KCNJ6: variants seen among roughly 807,000 people sequenced by gnomAD.
The protein encoded by KCNJ6 is potassium inwardly rectifying channel subfamily J member 6.
Under a neutral mutation model 34.2 loss-of-function variants are expected in KCNJ6, and 9 were observed. That is an observed-to-expected ratio of 0.26 (90% CI 0.16 to 0.46). KCNJ6 has a LOEUF of 0.46. KCNJ6 is among the 20% of genes least tolerant of loss of function. The probability of loss-of-function intolerance (pLI) is 1.00; values close to 1 mark genes in which losing one functional copy is unlikely to be tolerated. For missense variants in KCNJ6, 236 were observed against 531.3 expected, an observed-to-expected ratio of 0.44 and a Z score of 5.46; for synonymous variants, 196 against 207.1, an observed-to-expected ratio of 0.95 and a Z score of 0.46.
intron 2 of KCNJ6, among the ~76,000 whole-genome samples, chr21:37,739,388 G>C (rs1483441675): frequency 1.3e-5 from 2 of 152,182 alleles, no homozygotes; most frequent in East Asian, 3.9e-4. Context: ...GCAAAAGGCA[G>C]TCCCTTGGTT....
chr21:37,715,716 A>C (rs1336392521), intron 2 of KCNJ6, among the ~76,000 whole-genome samples: 1 of 152,178 alleles, frequency 6.6e-6, no homozygotes, highest in East Asian at 1.9e-4. Flanking sequence ...TGGTATCCTT[A>C]TGCGAAGAGG....
At chr21:37,734,488 A>G (rs530642730) in intron 2 of KCNJ6, among the ~76,000 whole-genome samples, 9 of 152,270 alleles carry the variant, frequency 5.9e-5, no homozygotes, top group African/African-American at 2.2e-4. Context: ...CTGTCTTAAC[A>G]AAAAGCCTCA....
Position 37,614,454 on chromosome 21 carries a change from G to C in KCNJ6, c.*10705C>G, listed in dbSNP as rs563058541. On this transcript the variant is annotated 3_prime_UTR_variant, in exon 4 of 4. Transcript: ENST00000609713. ...CGTGTATCTCTGTGTGTATGCATGT[G>C]TCTGTGTCTGCGTGTGTGTGTATGC... 1,973 of 134,980 alleles carry C rather than the reference G, an allele frequency of 0.015. 42 individuals carry two copies. The highest frequency in any genetic ancestry group is 0.048 in the African/African-American group (1,753 of 36,238). The allele number at this position is 134,980 out of a possible 1,614,324, so 8.4% of individuals were successfully genotyped here.
At chr21:37,694,360 A>C (rs906785696) in intron 3 of KCNJ6, among the ~76,000 whole-genome samples, 1 of 152,236 alleles carries the variant, frequency 6.6e-6, no homozygotes, top group African/African-American at 2.4e-5. Flanking sequence ...ACACGTTCAA[A>C]TAGAGAAGGG....
chr21:37,763,354 C>T (rs981390366), intron 2 of KCNJ6, among the ~76,000 whole-genome samples: 1 of 152,190 alleles, frequency 6.6e-6, no homozygotes, highest in African/African-American at 2.4e-5. Context: ...ATTCCCTGAA[C>T]AGCTGGGACA....
At chr21:37,661,879 C>T (rs985066804) in intron 3 of KCNJ6, among the ~76,000 whole-genome samples, 17 of 151,822 alleles carry the variant, frequency 1.1e-4, no homozygotes, top group African/African-American at 3.1e-4. Context: ...CTGCCTGCCT[C>T]GGCCTCCCAA....
chr21:37,834,500 GTT>G (rs1429092960), intron 2 of KCNJ6, among the ~76,000 whole-genome samples: 1 of 152,258 alleles, frequency 6.6e-6, no homozygotes, highest in Non-Finnish European at 1.5e-5. Context: ...TGTCATAGCT[GTT>G]ACTCTCTTGC....
intron 2 of KCNJ6, among the ~76,000 whole-genome samples, chr21:37,838,875 A>G (rs2055465190): frequency 3.3e-5 from 5 of 152,176 alleles, no homozygotes; most frequent in Non-Finnish European, 7.3e-5. Context: ...TTTCCCCTTC[A>G]GTGCTGCTCT....
chr21:37,910,298 C>T (rs901155868), intron 1 of KCNJ6, among the ~76,000 whole-genome samples: 7 of 152,122 alleles, frequency 4.6e-5, no homozygotes, highest in African/African-American at 1.7e-4. Context: ...TGCTCTTAAT[C>T]ACGGAGCAAC....
chr21:37,910,857 C>G (rs1274227624), intron 1 of KCNJ6, among the ~76,000 whole-genome samples: 1 of 152,218 alleles, frequency 6.6e-6, no homozygotes, highest in Admixed American at 6.5e-5. Flanking sequence ...GGCCTTACTG[C>G]ATTCCATATA....
chr21:37,677,802 A>ATCCC (rs2054573306), intron 3 of KCNJ6, among the ~76,000 whole-genome samples: 1 of 140,136 alleles, frequency 7.1e-6, no homozygotes, highest in African/African-American at 2.9e-5. Flanking sequence ...CCACCTATCC[A>ATCCC]CCCACCCATC....
chr21:37,802,085 C>T (rs1259101403), intron 2 of KCNJ6, among the ~76,000 whole-genome samples: 1 of 152,186 alleles, frequency 6.6e-6, no homozygotes, highest in African/African-American at 2.4e-5. Flanking sequence ...TTGACATCAC[C>T]AACTTTCAGA....
intron 2 of KCNJ6, among the ~76,000 whole-genome samples, chr21:37,742,329 C>G (rs1845825354): frequency 6.6e-6 from 1 of 152,162 alleles, no homozygotes; most frequent in Non-Finnish European, 1.5e-5. Context: ...AGTTGGTTTC[C>G]TGGGCAGGTG....
chr21:37,642,518 G>A (rs1358880758), intron 3 of KCNJ6, among the ~76,000 whole-genome samples: 1 of 152,142 alleles, frequency 6.6e-6, no homozygotes, highest in East Asian at 1.9e-4. Context: ...GGGTAAAGAG[G>A]GAGCCAGTGA....
At chr21:37,791,426 G>A (rs945009730) in intron 2 of KCNJ6, among the ~76,000 whole-genome samples, 1 of 152,172 alleles carries the variant, frequency 6.6e-6, no homozygotes, top group African/African-American at 2.4e-5. Flanking sequence ...ATTGAGCTGG[G>A]GCCAGGTTTG....
At chr21:37,833,752 C>T (rs2055438368) in intron 2 of KCNJ6, among the ~76,000 whole-genome samples, 2 of 152,226 alleles carry the variant, frequency 1.3e-5, no homozygotes, top group Admixed American at 1.3e-4. Context: ...GATATACACA[C>T]ACCTGCCCTA....
intron 2 of KCNJ6, among the ~76,000 whole-genome samples, chr21:37,740,225 G>C (rs1400310079): frequency 1.3e-5 from 2 of 152,154 alleles, no homozygotes; most frequent in East Asian, 3.9e-4. Context: ...CTGAGAGACT[G>C]GTTCAGGCCA....
intron 1 of KCNJ6, among the ~76,000 whole-genome samples, chr21:37,914,008 GGTGTGTGTGTGTGTGTGTGTGTGT>G (rs371432862): frequency 6.6e-5 from 9 of 135,584 alleles, no homozygotes; most frequent in African/African-American, 2.2e-4. Flanking sequence ...GGCGGATCGG[GGTGTGTGTGTGTGTGTGTGTGTGT>G]GTGTGTGTGT....
intron 1 of KCNJ6, among the ~76,000 whole-genome samples, chr21:37,896,024 A>C (rs1368768417): frequency 6.6e-6 from 1 of 152,198 alleles, no homozygotes; most frequent in Non-Finnish European, 1.5e-5. Flanking sequence ...TGCAGGCTGC[A>C]CAGGAAGAAT....
Sources: allele counts gnomAD v4.1 joint callset (sites outside exome capture counted in the v4.1 genomes callset), GRCh38; gene constraint gnomAD v4.1.1; transcripts MANE v1.5; gene names NCBI Gene and HGNC (gene_info 2026-07-23, HGNC 2026-07-21).